SH3GL3: variants seen among roughly 807,000 people sequenced by gnomAD.
SH3GL3 encodes SH3 domain containing GRB2 like 3, endophilin A3.
A neutral mutation model predicts 47.7 loss-of-function variants in SH3GL3; 33 were observed. That is an observed-to-expected ratio of 0.69 (90% CI 0.52 to 0.92). The LOEUF is 0.92. Among genes scored for constraint, SH3GL3 ranks in the 40% least tolerant of loss-of-function variants. The probability of loss-of-function intolerance (pLI) is 0.00; values close to 1 mark genes in which losing one functional copy is unlikely to be tolerated. For missense variants in SH3GL3, 363 were observed against 417.8 expected (o/e 0.87, Z 1.14); for synonymous variants, 155 against 148.8 (o/e 1.04, Z -0.30).
intron 1 of SH3GL3, among the ~76,000 whole-genome samples, chr15:83,460,769 T>C (rs1202451323): frequency 6.6e-6 from 1 of 152,194 alleles, no homozygotes; most frequent in African/African-American, 2.4e-5. Flanking sequence ...CTGTAAATCA[T>C]GATTCTGGTT....
intron 6 of SH3GL3, among the ~76,000 whole-genome samples, chr15:83,586,131 C>G (rs180750281): frequency 4.3e-4 from 66 of 152,216 alleles, no homozygotes; most frequent in African/African-American, 1.5e-3. Context: ...TGGGGGAGGC[C>G]CATCACCTCA....
chr15:83,450,846 G>C (rs942147925), intron 1 of SH3GL3, among the ~76,000 whole-genome samples: 1 of 92,684 alleles, frequency 1.1e-5, no homozygotes, highest in Non-Finnish European at 1.9e-5. Context: ...GGGTACATGT[G>C]CACATTGTGC....
chr15:83,572,419 A>G (rs1376736790), intron 4 of SH3GL3, 146 bp from the exon 5 acceptor site: 4 of 613,840 alleles, frequency 6.5e-6, no homozygotes, highest in Non-Finnish European at 1.1e-5. Flanking sequence ...TTTCTTTTTC[A>G]TTCTGATCCA....
At chr15:83,485,381 G>A (rs1175195014) in intron 1 of SH3GL3, among the ~76,000 whole-genome samples, 2 of 152,124 alleles carry the variant, frequency 1.3e-5, no homozygotes, top group Non-Finnish European at 2.9e-5. Flanking sequence ...TGTTCTTTGC[G>A]ATGATTTTTG....
intron 1 of SH3GL3, among the ~76,000 whole-genome samples, chr15:83,480,267 A>T (rs2041288864): frequency 6.6e-6 from 1 of 152,224 alleles, no homozygotes; most frequent in Admixed American, 6.5e-5. Flanking sequence ...ATATAAATTC[A>T]TATTTCTACA....
chr15:83,539,728 A>G (rs2044074134), intron 1 of SH3GL3, among the ~76,000 whole-genome samples: 2 of 152,210 alleles, frequency 1.3e-5, no homozygotes, highest in South Asian at 2.1e-4. Flanking sequence ...GAAATACAAC[A>G]TATGAATCCT....
At chr15:83,590,345 G>A (rs917501770) in intron 8 of SH3GL3, among the ~76,000 whole-genome samples, 11 of 152,110 alleles carry the variant, frequency 7.2e-5, no homozygotes, top group Admixed American at 2.0e-4. Context: ...TTTGTGCCCT[G>A]TCATGATTAC....
the SH3GL3 span, among the ~76,000 whole-genome samples, chr15:83,629,329 A>C: frequency 6.6e-6 from 1 of 152,360 alleles, no homozygotes; most frequent in South Asian, 2.1e-4. Context: ...AGAGTCATCA[A>C]ATCACTGTGG....
intron 1 of SH3GL3, among the ~76,000 whole-genome samples, chr15:83,473,844 G>C (rs1447053137): frequency 6.8e-6 from 1 of 147,572 alleles, no homozygotes; most frequent in Non-Finnish European, 1.5e-5. Flanking sequence ...ACCGCGCCCG[G>C]CCTGTTGGGG....
At chr15:83,520,886 T>C (rs11637604) in intron 1 of SH3GL3, among the ~76,000 whole-genome samples, 28,546 of 152,096 alleles carry the variant, frequency 0.19, 2,949 homozygotes, top group African/African-American at 0.22. Context: ...CATTTCACTA[T>C]CTATATGTAT....
chr15:83,448,069 G>A lies in SH3GL3; in HGVS notation c.45+491G>A, dbSNP rs901882045. ...GGCTGTGTCCCGCTGAGCTCCCCGC[G>A]CGCGCATCGAAATGGCCCCGTCTGG... On this transcript the variant is annotated intron_variant, in intron 1 of 8. Transcript: ENST00000427482. The surrounding 1 kb of genome is among the most constrained non-coding windows in gnomAD (Gnocchi z 4.2). Among the ~76,000 whole-genome samples the A allele has an allele frequency of 6.6e-6, 1 of 152,124 alleles. No individual in the cohort carries two copies. The highest frequency in any genetic ancestry group is 1.5e-5 in the Non-Finnish European group (1 of 68,022).
intron 2 of SH3GL3, among the ~76,000 whole-genome samples, chr15:83,562,851 A>G (rs1263704182): frequency 1.3e-5 from 2 of 152,212 alleles, no homozygotes; most frequent in Non-Finnish European, 2.9e-5. Context: ...TAAACATTTC[A>G]ACAATCTTGG....
chr15:83,449,731 T>TC (rs1486968150), intron 1 of SH3GL3, among the ~76,000 whole-genome samples: 7 of 144,206 alleles, frequency 4.9e-5, no homozygotes, highest in African/African-American at 1.8e-4. Flanking sequence ...TTTTTTTTTT[T>TC]CGCATGAGCG....
In SH3GL3 at chr15:83,480,345, C is replaced by T. The variant is rs546200987; in HGVS notation, c.45+32767C>T. On this transcript the variant is annotated intron_variant, in intron 1 of 8. Coordinates refer to ENST00000427482, the MANE Select transcript of SH3GL3 (RefSeq NM_003027.5). ...TTGTTCTAAAAATAAAATAGCAACC[C>T]TGTACCCAGCATACTTTACAGGTTT... is the stretch of plus-strand genomic sequence containing the variant. Among the ~76,000 whole-genome samples the T allele has an allele frequency of 2.6e-5, 4 of 152,298 alleles. No individual in the cohort carries two copies. In the South Asian group the frequency reaches 8.3e-4, roughly 32 times the overall value.
chr15:83,482,473 T>C (rs949591406), intron 1 of SH3GL3, among the ~76,000 whole-genome samples: 3 of 152,042 alleles, frequency 2.0e-5, no homozygotes, highest in African/African-American at 4.8e-5. Context: ...TCTACAAGCA[T>C]ATTAGTCTGT....
rs555165107 is a variant in SH3GL3 at position 83,505,869 on chromosome 15, A to G, written c.46-53384A>G. ...AGTGACATGCTTGTTCAAGTATTTTATCCATTTTTAAGAAATTAGTTGTCT... is the reference window on the plus strand; with the variant it reads ...AGTGACATGCTTGTTCAAGTATTTTGTCCATTTTTAAGAAATTAGTTGTCT... On this transcript the variant is annotated intron_variant, in intron 1 of 8. Transcript: ENST00000427482. Among the ~76,000 whole-genome samples, 4 of 152,174 alleles carry G rather than the reference A, an allele frequency of 2.6e-5. No homozygotes were observed. In the South Asian group the frequency reaches 8.3e-4, roughly 32 times the overall value.
chr15:83,493,729 A>T (rs2041971046), intron 1 of SH3GL3, among the ~76,000 whole-genome samples: 1 of 140,028 alleles, frequency 7.1e-6, no homozygotes, highest in Admixed American at 7.1e-5. Context: ...TGCAATCATA[A>T]CCCACGTGGT....
chr15:83,595,086 G>A (rs756236711), intron 8 of SH3GL3, among the ~76,000 whole-genome samples: 26 of 152,122 alleles, frequency 1.7e-4, no homozygotes, highest in Non-Finnish European at 3.1e-4. Flanking sequence ...CAATAGCAAA[G>A]GCGTGGAATC....
At chr15:83,579,621 A>C (rs547730969) in intron 6 of SH3GL3, among the ~76,000 whole-genome samples, 8 of 152,146 alleles carry the variant, frequency 5.3e-5, no homozygotes, top group African/African-American at 1.9e-4. Context: ...GGTGATAATG[A>C]TGATGACAAT....
Sources: allele counts gnomAD v4.1 joint callset (sites outside exome capture counted in the v4.1 genomes callset), GRCh38; gene constraint gnomAD v4.1.1; non-coding constraint Gnocchi (gnomAD v3.1); transcripts MANE v1.5; gene names NCBI Gene and HGNC (gene_info 2026-07-23, HGNC 2026-07-21).